Variants in PVR observed in about 807,000 individuals in gnomAD.
PVR encodes PVR cell adhesion molecule, also known as poliovirus receptor.
PVR carries 39 observed loss-of-function variants against 43.3 expected under a neutral mutation model. That is an observed-to-expected ratio of 0.90 (90% CI 0.70 to 1.18). PVR has a LOEUF of 1.18. PVR is among the 50% of genes most tolerant of loss of function. PVR has a pLI of 0.00. For missense variants in PVR, 480 were observed against 549.7 expected (o/e 0.87, Z 1.27); for synonymous variants, 224 against 233.2 (o/e 0.96, Z 0.36).
chr19:44,658,785 C>T lies in PVR; in HGVS notation c.1035C>T (p.Ile345=), dbSNP rs755645355. The stretch of plus-strand genomic sequence containing the variant: ...ACTCAGGCATGTCCCGTAACGCCAT[C>T]ATCTTCCTGGTTCTGGGAATCCTGG... ...SEHSGMSRNA[I]IFLVLGILVF... Residue 345 remains isoleucine (I), a synonymous_variant, in exon 6 of 8, where the codon ATC becomes ATT. Transcript: ENST00000425690. 1 of 1,612,486 alleles carries T rather than the reference C, an allele frequency of 6.2e-7. No homozygotes were observed. Among genetic ancestry groups the T allele is most frequent in the Non-Finnish European group, 8.5e-7 (1 of 1,178,484 alleles).
In PVR at chr19:44,661,822, A is replaced by T; in HGVS notation, c.*11A>T. 1 of 1,613,298 alleles carries T rather than the reference A, an allele frequency of 6.2e-7. No homozygotes were observed. Among genetic ancestry groups the T allele is most frequent in the Non-Finnish European group, 8.5e-7 (1 of 1,179,548 alleles). ...GAGGGCACAAGGTGACAGCGTCGGG[A>T]CTGAGAGGGGAGAGAGACTGGAGCT... On this transcript the variant is annotated 3_prime_UTR_variant, in exon 8 of 8. Transcript: ENST00000425690.
chr19:44,660,591 T>C (rs1389239056), intron 6 of PVR, among the ~76,000 whole-genome samples: 1 of 152,166 alleles, frequency 6.6e-6, no homozygotes, highest in African/African-American at 2.4e-5. Context: ...GATGTGATCT[T>C]GGCTCACTGC....
chr19:44,661,862 C>T lies in PVR; in HGVS notation c.*51C>T. ...AGACTGGAGCTGGCAAGGACGTGGG[C>T]CTCCAGAGTTGGACCCGACCCCAAT... On this transcript the variant is annotated 3_prime_UTR_variant, in exon 8 of 8. Coordinates refer to ENST00000425690, the MANE Select transcript of PVR (RefSeq NM_006505.5). 1.3e-6 allele frequency: 2 copies of T among 1,558,692 alleles called. No individual in the cohort carries two copies. Among genetic ancestry groups the T allele is most frequent in the Middle Eastern group, 3.4e-4 (2 of 5,798 alleles).
intron 1 of PVR, among the ~76,000 whole-genome samples, chr19:44,644,907 A>T (rs1174939952): frequency 7.0e-6 from 1 of 141,846 alleles, no homozygotes; most frequent in Non-Finnish European, 1.5e-5. Context: ...TAGTAGATAC[A>T]GGATTTCACC....
In PVR at chr19:44,654,232, T is replaced by TGG. The variant is rs1231174475; in HGVS notation, c.842+217_842+218dup. 6.7e-3 allele frequency among the ~76,000 whole-genome samples: 274 copies of TGG among 40,786 alleles called. 1 individual carries two copies. The highest frequency in any genetic ancestry group is 0.037 in the African/African-American group (240 of 6,436). 26.8% of individuals were successfully genotyped at this position (40,786 alleles called of 152,430 possible). ...CCCCTGGGACTGAGAGAGGAGGGGC[T>TGG]GGGCCTGGACCCCTGGGTCTGAGGG... On this transcript the variant is annotated intron_variant, in intron 4 of 7. Transcript: ENST00000425690.
chr19:44,659,424 A>G (rs866169867), intron 6 of PVR, among the ~76,000 whole-genome samples: 1 of 152,180 alleles, frequency 6.6e-6, no homozygotes, highest in Non-Finnish European at 1.5e-5. Context: ...CACTGTCTAC[A>G]TGCCACTTTG....
rs203708 is a variant in PVR, at chr19:44,657,871, C to G, written c.952C>G (p.Leu318Val). The change falls in exon 5 of 8, where the codon CTA (leucine) becomes GTA (valine). Residue 318 changes from leucine (L) to valine (V), a missense_variant. Transcript: ENST00000425690. ...TTTAATCTGCAACGTCACCAATGCCCTAGGAGCTCGCCAGGCAGAACTGAC... is the reference window on the plus strand; with the variant it reads ...TTTAATCTGCAACGTCACCAATGCCGTAGGAGCTCGCCAGGCAGAACTGAC... ...TTLICNVTNA[L>V]GARQAELTVQ... The G allele has an allele frequency of 3.5e-5, 57 of 1,613,810 alleles. No homozygotes were observed. Among genetic ancestry groups the G allele is most frequent in the African/African-American group, 6.7e-5 (5 of 74,886 alleles).
At chr19:44,653,218 C>G (rs1185430270) in intron 3 of PVR, among the ~76,000 whole-genome samples, 2 of 152,172 alleles carry the variant, frequency 1.3e-5, no homozygotes, top group African/African-American at 4.8e-5. Context: ...AACACCCTGT[C>G]TACACTGAAC....
chr19:44,654,019 T>C lies in PVR; in HGVS notation c.842+2T>C. 6.2e-7 allele frequency: 1 copy of C among 1,608,354 alleles called. No individual in the cohort carries two copies. The highest frequency in any genetic ancestry group is 8.5e-7 in the Non-Finnish European group (1 of 1,174,820). On this transcript the variant is annotated splice_donor_variant, in intron 4 of 7. Transcript: ENST00000425690. LOFTEE classifies it high-confidence loss of function. Reference sequence around the variant, plus strand: ...GCCCACAGGCTATAATTGGAGCACGTGAGTCCTGGGTCTCAGGGAGGAGGG... The same window carrying C: ...GCCCACAGGCTATAATTGGAGCACGCGAGTCCTGGGTCTCAGGGAGGAGGG...
At chr19:44,651,446 G>A (rs966453627) in intron 3 of PVR, among the ~76,000 whole-genome samples, 1 of 151,954 alleles carries the variant, frequency 6.6e-6, no homozygotes, top group South Asian at 2.1e-4. Context: ...ACATTGTATC[G>A]ACCAGTTCCC....
intron 1 of PVR, among the ~76,000 whole-genome samples, chr19:44,645,039 A>T (rs1350765591): frequency 6.2e-5 from 7 of 113,484 alleles, no homozygotes; most frequent in Admixed American, 1.3e-4. Flanking sequence ...AATATATAAT[A>T]TATAATAAAA....
At chr19:44,645,623 T>C (rs1599757304) in intron 1 of PVR, among the ~76,000 whole-genome samples, 2 of 150,194 alleles carry the variant, frequency 1.3e-5, no homozygotes, top group South Asian at 4.2e-4. Flanking sequence ...ACCTGGCTAA[T>C]TTTTTTTGTA....
chr19:44,661,346 G>C, intron 7 of PVR, 23 bp downstream of exon 7: 1 of 1,612,820 alleles, frequency 6.2e-7, no homozygotes, highest in Non-Finnish European at 8.5e-7. Context: ...TTGGAGCTAA[G>C]GAGGGTGTGG....
chr19:44,663,212 G>A lies in PVR; in HGVS notation c.*1401G>A, dbSNP rs919662244. 6.6e-6 allele frequency: 1 copy of A among 152,226 alleles called. No homozygotes were observed. The highest frequency in any genetic ancestry group is 1.5e-5 in the Non-Finnish European group (1 of 68,080). 9.4% of individuals were successfully genotyped at this position (152,226 alleles called of 1,614,324 possible). ...CTCAGTGCAACTGACAAGTTAAAAA[G>A]GTCTATGATCTTGAGGGCAGACAGC... On this transcript the variant is annotated 3_prime_UTR_variant, in exon 8 of 8. Coordinates refer to ENST00000425690, the MANE Select transcript of PVR (RefSeq NM_006505.5).
intron 4 of PVR, 127 bp from the exon 5 acceptor site, chr19:44,657,635 C>A: frequency 1.2e-6 from 1 of 843,522 alleles, no homozygotes; most frequent in South Asian, 1.7e-5. Flanking sequence ...AGTTGGGGGG[C>A]CTCCAGAGTT....
At chr19:44,648,105 T>C (rs981207869) in intron 2 of PVR, among the ~76,000 whole-genome samples, 7 of 152,182 alleles carry the variant, frequency 4.6e-5, no homozygotes, top group African/African-American at 1.7e-4. Context: ...TGAGCACTTA[T>C]TATGTGCCAT....
chr19:44,648,315 AACAG>A (rs1973187578), intron 2 of PVR, among the ~76,000 whole-genome samples: 1 of 152,126 alleles, frequency 6.6e-6, no homozygotes, highest in African/African-American at 2.4e-5. Context: ...AGAAAGTTGA[AACAG>A]ACAGACAGGA....
intron 6 of PVR, among the ~76,000 whole-genome samples, chr19:44,660,127 T>C (rs573768318): frequency 1.3e-5 from 2 of 152,320 alleles, no homozygotes; most frequent in African/African-American, 4.8e-5. Context: ...CAGTGGACTG[T>C]GAGCCCCAAG....
chr19:44,657,496 G>A (rs1226606798), intron 4 of PVR, among the ~76,000 whole-genome samples: 1 of 152,194 alleles, frequency 6.6e-6, no homozygotes, highest in Non-Finnish European at 1.5e-5. Flanking sequence ...GCTGGGGGCC[G>A]GGATGCACAG....
Sources: gnomAD v4.1 joint callset for allele counts (sites outside exome capture counted in the v4.1 genomes callset) on GRCh38, gnomAD v4.1.1 for gene constraint, MANE v1.5 for transcripts, NCBI Gene and HGNC (gene_info 2026-07-23, HGNC 2026-07-21) for gene names.